SHISA6: variants seen among roughly 807,000 people sequenced by gnomAD.
SHISA6 encodes the protein protein shisa-6.
In SHISA6, 22 loss-of-function variants were observed where a neutral mutation model predicts 47.9. The observed-to-expected ratio is 0.46, with a 90% CI of 0.33 to 0.66. The LOEUF (loss-of-function observed/expected upper bound fraction) is 0.66. Ranked by LOEUF, SHISA6 falls within the 30% of genes least tolerant of loss-of-function variation. The pLI, the probability that SHISA6 is intolerant of heterozygous loss-of-function variation, is 0.02. For synonymous variants in SHISA6, 388 were observed against 337.8 expected (o/e 1.15, Z -1.63); for missense variants, 680 against 764.6 (o/e 0.89, Z 1.30).
At chr17:11,366,393 GC>G (rs1442249143) in intron 2 of SHISA6, among the ~76,000 whole-genome samples, 7 of 152,212 alleles carry the variant, frequency 4.6e-5, no homozygotes, top group African/African-American at 1.7e-4. Flanking sequence ...GCTTGCCTTG[GC>G]CTCAGAAAGT....
chr17:11,345,543 T>C (rs1911676727), intron 2 of SHISA6, among the ~76,000 whole-genome samples: 1 of 152,182 alleles, frequency 6.6e-6, no homozygotes, highest in Non-Finnish European at 1.5e-5. Flanking sequence ...GATTGTGTAG[T>C]AGCTGTAAAT....
At position 11,241,849 on chromosome 17, in the gene SHISA6, A is replaced by G. The variant is rs1197538329; in HGVS notation, c.427A>G (p.Thr143Ala). Residue 143 changes from threonine to alanine, a missense_variant, in exon 1 of 6, where the codon ACC becomes GCC. By Grantham distance (58) the Thr-to-Ala change is moderately conservative. Transcript: ENST00000441885. This position sits in a 1 kb window ranked among gnomAD's most constrained non-coding sequence, Gnocchi z 5.5. ...CGAGAAGCTGGACCAGCGCCAGTGC[A>G]CCAACTACCAGAGCCCGGTGTGGGT... Reference protein sequence around the residue: ...RHEKLDQRQCTNYQSPVWVQT... With the variant: ...RHEKLDQRQCANYQSPVWVQT... 3.2e-6 allele frequency: 5 copies of G among 1,551,274 alleles called. No homozygotes were observed. The highest frequency in any genetic ancestry group is 4.4e-6 in the Non-Finnish European group (5 of 1,147,012).
intron 2 of SHISA6, among the ~76,000 whole-genome samples, chr17:11,374,537 T>C (rs754336055): frequency 1.1e-4 from 16 of 152,102 alleles, no homozygotes; most frequent in Non-Finnish European, 1.9e-4. Flanking sequence ...TATTTGCATG[T>C]ATGTTTATGT....
At chr17:11,523,002 C>T (rs1225179788) in intron 3 of SHISA6, among the ~76,000 whole-genome samples, 1 of 152,164 alleles carries the variant, frequency 6.6e-6, no homozygotes, top group African/African-American at 2.4e-5. Flanking sequence ...CTTAAGCAGA[C>T]GTTTTTGAAG....
intron 3 of SHISA6, among the ~76,000 whole-genome samples, chr17:11,385,693 T>A (rs1913167802): frequency 6.6e-6 from 1 of 152,026 alleles, no homozygotes; most frequent in Non-Finnish European, 1.5e-5. Context: ...GTCGTGCTCT[T>A]CAGGTGATGA....
intron 1 of SHISA6, among the ~76,000 whole-genome samples, chr17:11,242,629 T>G (rs559504811): frequency 3.5e-4 from 54 of 152,302 alleles, no homozygotes; most frequent in African/African-American, 1.1e-3. Flanking sequence ...GTCTCCTCAT[T>G]GCATCCTGCG....
intron 3 of SHISA6, among the ~76,000 whole-genome samples, chr17:11,547,337 G>A (rs2071891662): frequency 6.6e-6 from 1 of 152,182 alleles, no homozygotes; most frequent in African/African-American, 2.4e-5. Context: ...ATCTCAGTAA[G>A]TTCCAAAAAG....
intron 3 of SHISA6, among the ~76,000 whole-genome samples, chr17:11,395,065 G>A (rs1341368877): frequency 3.5e-5 from 5 of 143,296 alleles, no homozygotes; most frequent in East Asian, 2.1e-4. Flanking sequence ...GCAGTGGCGC[G>A]ATCTCGGCTC....
At chr17:11,287,229 AAAG>A (rs768564745) in intron 2 of SHISA6, among the ~76,000 whole-genome samples, 1 of 150,586 alleles carries the variant, frequency 6.6e-6, no homozygotes, top group Non-Finnish European at 1.5e-5. Flanking sequence ...AGAAAGAAAG[AAAG>A]AAGGGAAGGA....
chr17:11,283,140 C>T (rs776351137), intron 2 of SHISA6, among the ~76,000 whole-genome samples: 1 of 152,112 alleles, frequency 6.6e-6, no homozygotes, highest in African/African-American at 2.4e-5. Context: ...ATTAAGTGTG[C>T]CCACATGAAT....
intron 2 of SHISA6, among the ~76,000 whole-genome samples, chr17:11,350,196 T>TTTTTC (rs1369301126): frequency 7.9e-5 from 11 of 139,998 alleles, no homozygotes; most frequent in African/African-American, 2.7e-4. Flanking sequence ...TTTTTTTTTT[T>TTTTTC]TGAGACGGAG....
At chr17:11,327,951 C>G (rs1464501563) in intron 2 of SHISA6, among the ~76,000 whole-genome samples, 1 of 151,938 alleles carries the variant, frequency 6.6e-6, no homozygotes, top group Non-Finnish European at 1.5e-5. Flanking sequence ...CTCTCTGTCT[C>G]TCTCTCTCTC....
intron 2 of SHISA6, among the ~76,000 whole-genome samples, chr17:11,369,754 G>C (rs1013446151): frequency 1.3e-5 from 2 of 152,200 alleles, no homozygotes; most frequent in Non-Finnish European, 2.9e-5. Flanking sequence ...CAATGCAACA[G>C]CTCTGGGATG....
intron 3 of SHISA6, among the ~76,000 whole-genome samples, chr17:11,421,354 G>A (rs1259468089): frequency 6.6e-6 from 1 of 152,188 alleles, no homozygotes; most frequent in East Asian, 1.9e-4. Flanking sequence ...CAAAAAGAAA[G>A]AGGAAATAAC....
intron 3 of SHISA6, among the ~76,000 whole-genome samples, chr17:11,393,665 T>G (rs1913466447): frequency 6.6e-6 from 1 of 152,208 alleles, no homozygotes; most frequent in South Asian, 2.1e-4. Flanking sequence ...ATCATAAAAA[T>G]GCTGAGCTCA....
At chr17:11,390,231 G>T (rs1484316249) in intron 3 of SHISA6, among the ~76,000 whole-genome samples, 1 of 152,204 alleles carries the variant, frequency 6.6e-6, no homozygotes, top group Admixed American at 6.5e-5. Flanking sequence ...AGTCAGACAT[G>T]CTGGACTTCT....
chr17:11,492,322 G>A (rs189937348), intron 3 of SHISA6, among the ~76,000 whole-genome samples: 1 of 152,260 alleles, frequency 6.6e-6, no homozygotes, highest in East Asian at 1.9e-4. Flanking sequence ...TAAGCTGAAT[G>A]AACCCTAACC....
At chr17:11,449,277 A>G (rs1439766848) in intron 3 of SHISA6, among the ~76,000 whole-genome samples, 2 of 152,034 alleles carry the variant, frequency 1.3e-5, no homozygotes, top group Admixed American at 1.3e-4. Context: ...CCTCGTCTCT[A>G]CTAAAATACA....
At chr17:11,518,702 G>C (rs375411924) in intron 3 of SHISA6, among the ~76,000 whole-genome samples, 3 of 152,246 alleles carry the variant, frequency 2.0e-5, no homozygotes, top group South Asian at 2.1e-4. Flanking sequence ...CCCCATCCAA[G>C]ACCAATTGAA....
Sources: gnomAD v4.1 joint callset for allele counts (sites outside exome capture counted in the v4.1 genomes callset) on GRCh38, gnomAD v4.1.1 for gene constraint, Gnocchi (gnomAD v3.1) non-coding constraint, MANE v1.5 for transcripts, NCBI Gene and HGNC (gene_info 2026-07-23, HGNC 2026-07-21) for gene names.